The following RBFOX1 variants were observed in gnomAD, a reference collection of about 807,000 sequenced individuals.
RBFOX1 encodes the protein RNA binding protein fox-1 homolog 1.
A neutral mutation model predicts 57.7 loss-of-function variants in RBFOX1; 8 were observed. The ratio of observed to expected loss-of-function variants is 0.14; its 90% confidence interval spans 0.08 to 0.25. RBFOX1 has a LOEUF of 0.25. Among genes scored for constraint, RBFOX1 ranks in the 10% least tolerant of loss-of-function variants. The pLI, the probability that RBFOX1 is intolerant of heterozygous loss-of-function variation, is 1.00. For missense variants in RBFOX1, 611 were observed against 548.5 expected (o/e 1.11, Z -1.14); for synonymous variants, 326 against 222.4 (o/e 1.47, Z -4.15).
At chr16:6,804,341 A>G (rs917727987) in intron 3 of RBFOX1, among the ~76,000 whole-genome samples, 11 of 152,136 alleles carry the variant, frequency 7.2e-5, no homozygotes, top group African/African-American at 2.4e-4. Context: ...GGGTAAATTG[A>G]TAAGACTTCT....
intron 4 of RBFOX1, among the ~76,000 whole-genome samples, chr16:5,970,219 A>G (rs1395972132): frequency 6.6e-6 from 1 of 152,066 alleles, no homozygotes; most frequent in East Asian, 1.9e-4. Flanking sequence ...GACATTCATG[A>G]AGGCACTTTG....
chr16:6,073,820 C>G (rs1002398942), intron 1 of RBFOX1, among the ~76,000 whole-genome samples: 2 of 152,076 alleles, frequency 1.3e-5, no homozygotes, highest in African/African-American at 2.4e-5. Flanking sequence ...GCTCTTTCAA[C>G]TGCAGGTGAT....
chr16:5,712,804 T>C (rs1454331311), intron 3 of RBFOX1, among the ~76,000 whole-genome samples: 7 of 152,194 alleles, frequency 4.6e-5, no homozygotes, highest in Non-Finnish European at 8.8e-5. Context: ...CATTCCTAGT[T>C]TTTAATGCTA....
intron 2 of RBFOX1, among the ~76,000 whole-genome samples, chr16:6,517,527 A>G (rs1352957844): frequency 6.6e-6 from 1 of 152,024 alleles, no homozygotes; most frequent in Non-Finnish European, 1.5e-5. Flanking sequence ...CTCCACCTAC[A>G]CTGCCGAAGT....
At chr16:5,704,492 C>T (rs1362370793) in intron 3 of RBFOX1, among the ~76,000 whole-genome samples, 1 of 152,092 alleles carries the variant, frequency 6.6e-6, no homozygotes, top group African/African-American at 2.4e-5. Context: ...GCCAACCAGG[C>T]CCAGCTACTT....
intron 1 of RBFOX1, among the ~76,000 whole-genome samples, chr16:5,248,987 CAAAAAAAAA>C (rs56146545): frequency 5.5e-4 from 35 of 63,346 alleles, no homozygotes; most frequent in Admixed American, 4.1e-3. Context: ...GACTCCATCT[CAAAAAAAAA>C]AAAAAAAAAA....
chr16:7,531,652 C>T (rs897941960), intron 5 of RBFOX1, among the ~76,000 whole-genome samples: 4 of 152,086 alleles, frequency 2.6e-5, no homozygotes, highest in African/African-American at 4.8e-5. Context: ...GATCATACCA[C>T]GATTACGGAT....
chr16:7,060,408 T>G (rs1193144321), intron 4 of RBFOX1, among the ~76,000 whole-genome samples: 1 of 152,134 alleles, frequency 6.6e-6, no homozygotes, highest in Non-Finnish European at 1.5e-5. Context: ...ACATCAAAGA[T>G]CAATAAATGC....
intron 2 of RBFOX1, among the ~76,000 whole-genome samples, chr16:6,607,442 C>G (rs1162127235): frequency 2.0e-5 from 3 of 148,776 alleles, no homozygotes; most frequent in South Asian, 4.3e-4. Flanking sequence ...CTCTCGCTCT[C>G]TATCTCTCTT....
At chr16:7,599,252 G>T (rs370706579) in intron 9 of RBFOX1, among the ~76,000 whole-genome samples, 1 of 152,138 alleles carries the variant, frequency 6.6e-6, no homozygotes, top group East Asian at 1.9e-4. Context: ...TCAACCTGAC[G>T]GTTGGGCATA....
intron 3 of RBFOX1, among the ~76,000 whole-genome samples, chr16:6,753,024 A>T (rs2075215007): frequency 6.6e-6 from 1 of 152,310 alleles, no homozygotes; most frequent in South Asian, 2.1e-4. Flanking sequence ...AAATTTCAAA[A>T]TTTATTGTAA....
chr16:5,870,081 C>G (rs2057432660), intron 4 of RBFOX1, among the ~76,000 whole-genome samples: 1 of 150,678 alleles, frequency 6.6e-6, no homozygotes, highest in East Asian at 1.9e-4. Flanking sequence ...AAAGAATGTA[C>G]CCTCCATGAT....
intron 3 of RBFOX1, among the ~76,000 whole-genome samples, chr16:5,834,893 A>G (rs1194852053): frequency 6.6e-6 from 1 of 152,178 alleles, no homozygotes; most frequent in African/African-American, 2.4e-5. Context: ...TGAATGGTAG[A>G]TCTACTTTCA....
chr16:7,428,138 T>C (rs894999977), intron 4 of RBFOX1, among the ~76,000 whole-genome samples: 1 of 152,162 alleles, frequency 6.6e-6, no homozygotes, highest in Non-Finnish European at 1.5e-5. Context: ...TATATGCTGT[T>C]ATGTGATGGA....
At chr16:5,384,626 CAGA>C (rs1169646989) in intron 1 of RBFOX1, among the ~76,000 whole-genome samples, 4 of 152,058 alleles carry the variant, frequency 2.6e-5, no homozygotes, top group South Asian at 2.1e-4. Context: ...GGTTTTTGAG[CAGA>C]AGAAGTAGTT....
intron 2 of RBFOX1, among the ~76,000 whole-genome samples, chr16:5,564,318 G>T (rs113593642): frequency 6.6e-6 from 1 of 151,884 alleles, no homozygotes; most frequent in Non-Finnish European, 1.5e-5. Flanking sequence ...ACACCCAATT[G>T]AGGAGAGAGT....
chr16:6,799,359 T>C (rs982062693), intron 3 of RBFOX1, among the ~76,000 whole-genome samples: 6 of 152,138 alleles, frequency 3.9e-5, no homozygotes, highest in African/African-American at 1.4e-4. Context: ...TGGCAGTCTT[T>C]GTAGTTAAAA....
chr16:5,361,023 A>G (rs1408583002), intron 1 of RBFOX1, among the ~76,000 whole-genome samples: 2 of 152,148 alleles, frequency 1.3e-5, no homozygotes, highest in African/African-American at 4.8e-5. Context: ...GACAATGTCA[A>G]CTCTACAAAT....
chr16:7,034,723 C>T (rs1041885622), intron 3 of RBFOX1, among the ~76,000 whole-genome samples: 2 of 151,412 alleles, frequency 1.3e-5, no homozygotes, highest in African/African-American at 2.4e-5. Flanking sequence ...CACATCAGTG[C>T]CCCTGTAGAT....
Sources: gnomAD v4.1 joint callset for allele counts (sites outside exome capture counted in the v4.1 genomes callset) on GRCh38, gnomAD v4.1.1 for gene constraint, MANE v1.5 for transcripts, NCBI Gene and HGNC (gene_info 2026-07-23, HGNC 2026-07-21) for gene names.